NEXMIF: variants seen among roughly 807,000 people sequenced by gnomAD.
The protein encoded by NEXMIF is XLMR protein related to neurite extension.
A neutral mutation model predicts 62.1 loss-of-function variants in NEXMIF; 8 were observed. The ratio of observed to expected loss-of-function variants is 0.13; its 90% CI spans 0.08 to 0.23. NEXMIF has a LOEUF of 0.23. Among genes scored for constraint, NEXMIF ranks in the 10% least tolerant of loss-of-function variants. The pLI, the probability that NEXMIF is intolerant of heterozygous loss-of-function variation, is 1.00. For synonymous variants in NEXMIF, 404 were observed against 416.6 expected (o/e 0.97, Z 0.37); for missense variants, 976 against 1,113.3 (o/e 0.88, Z 1.75).
intron 1 of NEXMIF, among the ~76,000 whole-genome samples, chrX:74,865,823 T>C (rs1260425231): frequency 8.9e-6 from 1 of 111,931 alleles, no homozygotes; most frequent in African/African-American, 3.2e-5. Flanking sequence ...AGCTTGTGGG[T>C]ACACAGAAGT....
chrX:74,924,340 C>T (rs1484759527), intron 1 of NEXMIF, among the ~76,000 whole-genome samples: 2 of 112,578 alleles, frequency 1.8e-5, no homozygotes, highest in Non-Finnish European at 3.8e-5. Context: ...GTCTGGCCTC[C>T]AACTTAAACC....
chrX:74,892,998 C>G (rs2080722786), intron 1 of NEXMIF, among the ~76,000 whole-genome samples: 1 of 112,005 alleles, frequency 8.9e-6, no homozygotes, highest in Non-Finnish European at 1.9e-5. Flanking sequence ...GGGAGCTAGA[C>G]AGTAGTTTTT....
chrX:74,918,932 G>C (rs1253825467), intron 1 of NEXMIF, among the ~76,000 whole-genome samples: 1 of 112,233 alleles, frequency 8.9e-6, no homozygotes, highest in African/African-American at 3.2e-5. Flanking sequence ...GTCCATTATG[G>C]AAAAGGCAAA....
intron 1 of NEXMIF, among the ~76,000 whole-genome samples, chrX:74,880,215 T>A: frequency 8.9e-6 from 1 of 112,032 alleles, no homozygotes; most frequent in Non-Finnish European, 1.9e-5. Context: ...ATAAACACTC[T>A]CTACACCCCA....
intron 1 of NEXMIF, among the ~76,000 whole-genome samples, chrX:74,791,687 CT>C (rs1160337766): frequency 1.8e-5 from 2 of 110,202 alleles, no homozygotes; most frequent in African/African-American, 6.6e-5. Context: ...GATTCAACTT[CT>C]TCCTGGTTTA....
chrX:74,740,326 C>G lies in NEXMIF; in HGVS notation c.4231G>C (p.Gly1411Arg), dbSNP rs769601623. The change falls in exon 3 of 4, where the codon GGT becomes CGT. Residue 1411 changes from glycine (G) to arginine (R), a missense_variant. Coordinates refer to ENST00000055682, the MANE Select transcript of NEXMIF (RefSeq NM_001008537.3). ...SNGKTAIGDP[G>R]RANMPGYNED... ...TTATAACCAGGCATGTTTGCACGAC[C>G]AGGATCACCTATTGCTGTTTTCCCA... 75 of 1,209,769 alleles carry G rather than the reference C, an allele frequency of 6.2e-5. No homozygotes were observed. Among genetic ancestry groups the G allele is most frequent in the Non-Finnish European group, 8.4e-5 (75 of 895,139 alleles).
At chrX:74,910,217 C>T (rs1227444948) in intron 1 of NEXMIF, among the ~76,000 whole-genome samples, 1 of 112,363 alleles carries the variant, frequency 8.9e-6, no homozygotes, top group Non-Finnish European at 1.9e-5. Flanking sequence ...TGAAAGCAGC[C>T]AGCAGGGGTG....
chrX:74,864,004 C>A (rs1218721037), intron 1 of NEXMIF, among the ~76,000 whole-genome samples: 1 of 112,150 alleles, frequency 8.9e-6, no homozygotes, highest in Non-Finnish European at 1.9e-5. Context: ...GAACTAAAGA[C>A]AAAAACCACA....
At chrX:74,825,457 G>A (rs891242192) in intron 1 of NEXMIF, among the ~76,000 whole-genome samples, 10 of 110,553 alleles carry the variant, frequency 9.0e-5, no homozygotes, top group Admixed American at 5.8e-4. Flanking sequence ...TCATTTAGCT[G>A]CCACTTATCA....
intron 1 of NEXMIF, among the ~76,000 whole-genome samples, chrX:74,756,804 G>A (rs1190300386): frequency 1.8e-5 from 2 of 111,812 alleles, no homozygotes; most frequent in African/African-American, 6.5e-5. Flanking sequence ...AGCCATACAC[G>A]TGGCATTCTG....
At chrX:74,915,998 T>C (rs773780078) in intron 1 of NEXMIF, among the ~76,000 whole-genome samples, 3 of 112,209 alleles carry the variant, frequency 2.7e-5, no homozygotes, top group East Asian at 5.6e-4. Context: ...ACAGCAACCA[T>C]AGTAGAAAAC....
intron 1 of NEXMIF, among the ~76,000 whole-genome samples, chrX:74,811,260 G>A (rs573424648): frequency 1.8e-5 from 2 of 111,597 alleles, no homozygotes; most frequent in South Asian, 7.6e-4. Flanking sequence ...TGGCAATAAA[G>A]GTCTTCTAAG....
intron 1 of NEXMIF, among the ~76,000 whole-genome samples, chrX:74,869,587 A>G (rs1372902911): frequency 1.8e-5 from 2 of 112,237 alleles, no homozygotes; most frequent in African/African-American, 6.5e-5. Flanking sequence ...TGACTCCACA[A>G]AAAACAATTA....
Position 74,853,658 on chromosome X carries a change from C to A in NEXMIF, c.-48+71225G>T, listed in dbSNP as rs181131168. Among the ~76,000 whole-genome samples the A allele has an allele frequency of 1.7e-4, 19 of 110,360 alleles. No individual in the cohort carries two copies. In the East Asian group the frequency reaches 5.4e-3, roughly 31 times the overall value. On this transcript the variant is annotated intron_variant, in intron 1 of 3. Coordinates refer to ENST00000055682, the MANE Select transcript of NEXMIF (RefSeq NM_001008537.3). ...TGGGAGTTTTCACCCTTTCTAGCTGCCTAAAAATAATTTCTTAATAACTCC... is the reference window on the plus strand; with the variant it reads ...TGGGAGTTTTCACCCTTTCTAGCTGACTAAAAATAATTTCTTAATAACTCC...
chrX:74,790,083 T>G (rs2080274706), intron 1 of NEXMIF, among the ~76,000 whole-genome samples: 1 of 100,442 alleles, frequency 1.0e-5, no homozygotes, highest in Admixed American at 1.1e-4. Context: ...TGCCTAGGTT[T>G]TCTTCTAGGG....
intron 1 of NEXMIF, among the ~76,000 whole-genome samples, chrX:74,830,519 T>G (rs141713571): frequency 1.8e-5 from 2 of 111,867 alleles, no homozygotes; most frequent in East Asian, 5.6e-4. Flanking sequence ...ATGCTCCAGA[T>G]AGCCTTGGCA....
chrX:74,749,497 C>G lies in NEXMIF; in HGVS notation c.-47-3800G>C, dbSNP rs188823861. Among the ~76,000 whole-genome samples the G allele has an allele frequency of 1.5e-4, 17 of 110,812 alleles. No individual in the cohort carries two copies. In the East Asian group the frequency reaches 4.9e-3, roughly 32 times the overall value. On this transcript the variant is annotated intron_variant, in intron 1 of 3. Transcript: ENST00000055682. ...CATTCTGTTCACTTCCCCCTATGTT[C>G]CTAAATATTCTAACCCTCTCCACTC...
At chrX:74,794,341 C>T (rs1413154617) in intron 1 of NEXMIF, among the ~76,000 whole-genome samples, 1 of 105,529 alleles carries the variant, frequency 9.5e-6, no homozygotes, top group Non-Finnish European at 2.0e-5. Flanking sequence ...GTTCTCAGAT[C>T]TCCAGCTGCG....
intron 1 of NEXMIF, among the ~76,000 whole-genome samples, chrX:74,828,183 A>T (rs2080424505): frequency 8.9e-6 from 1 of 111,815 alleles, no homozygotes; most frequent in African/African-American, 3.2e-5. Context: ...AAGGCTGTTC[A>T]TTTGTTTAGG....
Sources: allele counts gnomAD v4.1 joint callset (sites outside exome capture counted in the v4.1 genomes callset), GRCh38; gene constraint gnomAD v4.1.1; transcripts MANE v1.5; gene names NCBI Gene and HGNC (gene_info 2026-07-23, HGNC 2026-07-21).